Variants in HSPA4 observed in about 807,000 individuals in gnomAD.
The protein encoded by HSPA4 is heat shock protein family A (Hsp70) member 4, also known as heat shock 70 kDa protein 4.
HSPA4 carries 25 observed loss-of-function variants against 106.2 expected under a neutral mutation model. That is an observed-to-expected ratio of 0.24 (90% confidence interval 0.17 to 0.33). The LOEUF is 0.33. HSPA4 is among the 10% of genes least tolerant of loss of function. The probability of loss-of-function intolerance (pLI) is 1.00; values close to 1 mark genes in which losing one functional copy is unlikely to be tolerated. For synonymous variants in HSPA4, 332 were observed against 333.6 expected (o/e 1.00, Z 0.05); for missense variants, 841 against 996.0 (o/e 0.84, Z 2.10).
chr5:133,104,904 A>G lies in HSPA4; in HGVS notation c.*468A>G, dbSNP rs1765836966. On this transcript the variant is annotated 3_prime_UTR_variant, in exon 19 of 19. Coordinates refer to ENST00000304858, the MANE Select transcript of HSPA4 (RefSeq NM_002154.4). Reference sequence around the variant, plus strand: ...CTCTTTGTGAGGGCTGGAGCATGGCACGGCATGGATTAACACGGCAGAGGA... The same window carrying G: ...CTCTTTGTGAGGGCTGGAGCATGGCGCGGCATGGATTAACACGGCAGAGGA... 1 of 167,230 alleles carries G rather than the reference A, an allele frequency of 6.0e-6. No homozygotes were observed. Among genetic ancestry groups the G allele is most frequent in the Non-Finnish European group, 1.3e-5 (1 of 77,116 alleles). The allele number at this position is 167,230 out of a possible 1,614,324, so 10.4% of individuals were successfully genotyped here.
rs1765620916 is a variant in HSPA4 at position 133,089,703 on chromosome 5, A to G, written c.1378+8A>G. 3.3e-6 allele frequency: 5 copies of G among 1,532,468 alleles called. No homozygotes were observed. In the South Asian group the frequency reaches 5.1e-5, roughly 16 times the overall value. The allele number at this position is 1,532,468 out of a possible 1,614,324, so 94.9% of individuals were successfully genotyped here. On this transcript the variant is annotated splice_region_variant and intron_variant, in intron 11 of 18. Coordinates refer to ENST00000304858, the MANE Select transcript of HSPA4 (RefSeq NM_002154.4). ...ATCCAGATCCTGCTATAGGTAAGTA[A>G]AGAGTTGGAAATTAAAAAAGAAAAA...
Position 133,093,103 on chromosome 5 carries a change from T to G in HSPA4, c.1650+314T>G, listed in dbSNP as rs946663573. On this transcript the variant is annotated intron_variant, in intron 13 of 18. Coordinates refer to ENST00000304858, the MANE Select transcript of HSPA4 (RefSeq NM_002154.4). ...GTCTTGTCCTCCCAAAGTGCTAGTA[T>G]TACAGGCGTGAGCCACCACACCCGG... Among the ~76,000 whole-genome samples, 7 of 151,950 alleles carry G rather than the reference T, an allele frequency of 4.6e-5. No individual in the cohort carries two copies. The South Asian group carries it at 1.2e-3, about 27-fold the overall frequency.
At chr5:133,079,793 T>G (rs1381247812) in intron 7 of HSPA4, among the ~76,000 whole-genome samples, 1 of 152,242 alleles carries the variant, frequency 6.6e-6, no homozygotes, top group Non-Finnish European at 1.5e-5. Flanking sequence ...TGGATTATTT[T>G]GGTAGATTAC....
At chr5:133,076,625 G>C in intron 6 of HSPA4, 29 bp from the exon 7 acceptor site, 1 of 1,596,044 alleles carries the variant, frequency 6.3e-7, no homozygotes, top group Non-Finnish European at 8.6e-7. Context: ...TTGGTTAATT[G>C]TTAGATTAAT....
intron 1 of HSPA4, among the ~76,000 whole-genome samples, chr5:133,053,556 C>T (rs1246722226): frequency 1.3e-5 from 2 of 152,090 alleles, no homozygotes; most frequent in Non-Finnish European, 2.9e-5. Flanking sequence ...CACTATGTCA[C>T]TCAGGATGGT....
intron 13 of HSPA4, among the ~76,000 whole-genome samples, chr5:133,095,289 G>A (rs1022803961): frequency 6.6e-6 from 1 of 152,080 alleles, no homozygotes; most frequent in South Asian, 2.1e-4. Context: ...GCTACAGAGC[G>A]AGACTCCATC....
At position 133,056,335 on chromosome 5, in the gene HSPA4, A is replaced by AT. The variant is rs77619661; in HGVS notation, c.107+3983dup. Among the ~76,000 whole-genome samples, 2,270 of 152,190 alleles carry AT rather than the reference A, an allele frequency of 0.015. 255 individuals carry two copies. The East Asian group carries it at 0.3, about 20-fold the overall frequency. On this transcript the variant is annotated intron_variant, in intron 1 of 18. Coordinates refer to ENST00000304858, the MANE Select transcript of HSPA4 (RefSeq NM_002154.4). ...CAGAGCCTTGTAAATAATAATAATG[A>AT]TTTTTACCTAGGTGCAGTGGGAAGA... is the stretch of plus-strand genomic sequence containing the variant.
intron 1 of HSPA4, among the ~76,000 whole-genome samples, chr5:133,057,463 G>C (rs1048983699): frequency 1.3e-5 from 2 of 151,594 alleles, no homozygotes. Context: ...GGCTCAAGCA[G>C]TTCTGGTGCC....
At chr5:133,104,076 A>G (rs1765824295) in intron 18 of HSPA4, 50 bp downstream of exon 18, 11 of 1,504,878 alleles carry the variant, frequency 7.3e-6, no homozygotes, top group Non-Finnish European at 1.0e-5. Flanking sequence ...CCTTATTATT[A>G]ATAGTCCTCA....
At chr5:133,069,688 C>T (rs1765357084) in intron 3 of HSPA4, among the ~76,000 whole-genome samples, 1 of 152,176 alleles carries the variant, frequency 6.6e-6, no homozygotes, top group South Asian at 2.1e-4. Context: ...GGATAATAAA[C>T]AGTAAACACA....
At chr5:133,104,199 A>G (rs1379797687) in intron 18 of HSPA4, 34 bp from the exon 19 acceptor site, 3 of 1,596,870 alleles carry the variant, frequency 1.9e-6, no homozygotes, top group African/African-American at 2.7e-5. Flanking sequence ...TGTTAATTTT[A>G]TAAGAAACCA....
chr5:133,106,101 AATTTTTTT>A lies in HSPA4; in HGVS notation c.*1666_*1673del, dbSNP rs1765854920. The A allele has an allele frequency of 7.7e-4, 62 of 80,234 alleles. 1 individual carries two copies. Among genetic ancestry groups the A allele is most frequent in the African/African-American group, 2.4e-3 (48 of 19,848 alleles). 5.0% of individuals were successfully genotyped at this position (80,234 alleles called of 1,614,324 possible). ...GGCCATTTCTTCTTAAAAAAAAAAA[AATTTTTTT>A]TTTTTTTTTTTTTTTTTTTTTTTTT... On this transcript the variant is annotated 3_prime_UTR_variant, in exon 19 of 19. Coordinates refer to ENST00000304858, the MANE Select transcript of HSPA4 (RefSeq NM_002154.4).
At chr5:133,081,414 GTGT>G (rs769130085) in intron 7 of HSPA4, among the ~76,000 whole-genome samples, 17 of 152,272 alleles carry the variant, frequency 1.1e-4, no homozygotes, top group Admixed American at 8.5e-4. Flanking sequence ...TGTGTTTACT[GTGT>G]TGTTCTGCTT....
In HSPA4 at chr5:133,067,431, A is replaced by G; in HGVS notation, c.180A>G (p.Ala60=). Residue 60 remains alanine (A), a synonymous_variant, in exon 3 of 19, where the codon GCA becomes GCG. Transcript: ENST00000304858. The part of the protein sequence containing the change: ...AAAKSQVISN[A]KNTVQGFKRF... Reference sequence around the variant, plus strand: ...CTTTCTCTTAGGTAATTTCTAATGCAAAGAACACAGTCCAAGGATTTAAAA... The same window carrying G: ...CTTTCTCTTAGGTAATTTCTAATGCGAAGAACACAGTCCAAGGATTTAAAA... 1 of 1,612,204 alleles carries G rather than the reference A, an allele frequency of 6.2e-7. No individual in the cohort carries two copies. The highest frequency in any genetic ancestry group is 8.5e-7 in the Non-Finnish European group (1 of 1,179,276).
At chr5:133,072,285 G>A (rs1765391232) in intron 4 of HSPA4, among the ~76,000 whole-genome samples, 1 of 152,002 alleles carries the variant, frequency 6.6e-6, no homozygotes, top group Non-Finnish European at 1.5e-5. Flanking sequence ...AGGAAACCAG[G>A]CACAAGCTTC....
intron 7 of HSPA4, among the ~76,000 whole-genome samples, chr5:133,081,912 TTGTA>T (rs1366798928): frequency 1.3e-5 from 2 of 152,186 alleles, no homozygotes; most frequent in Non-Finnish European, 2.9e-5. Context: ...CATTCAGCAG[TTGTA>T]TTTCTAGATA....
At chr5:133,075,146 TTAAA>T (rs1214452684) in intron 6 of HSPA4, among the ~76,000 whole-genome samples, 3 of 152,242 alleles carry the variant, frequency 2.0e-5, no homozygotes, top group African/African-American at 7.2e-5. Context: ...GGTTTTGTTT[TTAAA>T]TAAAAAGAAA....
Position 133,097,172 on chromosome 5 carries a change from C to A in HSPA4, c.1815C>A (p.Ile605=). Residue 605 remains isoleucine, a synonymous_variant, in exon 15 of 19, where the codon ATC becomes ATA. Transcript: ENST00000304858. ...ATATTTATTCTCAGGGTAAGATGAT[C>A]ATGCAGGATAAACTGGAGAAGGAGC... ...NLYIENEGKM[I]MQDKLEKERN... 1 of 1,609,928 alleles carries A rather than the reference C, an allele frequency of 6.2e-7. No homozygotes were observed. Among genetic ancestry groups the A allele is most frequent in the South Asian group, 1.1e-5 (1 of 90,862 alleles).
At position 133,104,290 on chromosome 5, in the gene HSPA4, C is replaced by T. The variant is rs774156433; in HGVS notation, c.2377C>T (p.Pro793Ser). Reference protein sequence around the residue: ...ISKPKPKVEPPKEEQKNAEQN... With the variant: ...ISKPKPKVEPSKEEQKNAEQN... ...AAAGCCCAAACCCAAAGTGGAACCTCCAAAAGAGGAACAAAAAAATGCAGA... is the reference window on the plus strand; with the variant it reads ...AAAGCCCAAACCCAAAGTGGAACCTTCAAAAGAGGAACAAAAAAATGCAGA... Residue 793 changes from proline to serine, a missense_variant, in exon 19 of 19, where the codon CCA becomes TCA. Transcript: ENST00000304858. 1.2e-6 allele frequency: 2 copies of T among 1,614,006 alleles called. No homozygotes were observed. The highest frequency in any genetic ancestry group is 3.3e-5 in the Admixed American group (2 of 59,998).
Sources: gnomAD v4.1 joint callset for allele counts (sites outside exome capture counted in the v4.1 genomes callset) on GRCh38, gnomAD v4.1.1 for gene constraint, MANE v1.5 for transcripts, NCBI Gene and HGNC (gene_info 2026-07-23, HGNC 2026-07-21) for gene names.